COBLL1: variants seen among roughly 807,000 people sequenced by gnomAD.
The protein encoded by COBLL1 is cordon-bleu WH2 repeat protein like 1.
Under a neutral mutation model 94.8 loss-of-function variants are expected in COBLL1, and 50 were observed. The ratio of observed to expected loss-of-function variants is 0.53; its 90% CI spans 0.42 to 0.67. The LOEUF (loss-of-function observed/expected upper bound fraction) is 0.67, where lower values mean the gene tolerates loss of function less well. COBLL1 is among the 30% of genes least tolerant of loss of function. The probability of loss-of-function intolerance (pLI) is 0.00; values close to 1 mark genes in which losing one functional copy is unlikely to be tolerated. For missense variants in COBLL1, 1,362 were observed against 1,348.7 expected (o/e 1.01, Z -0.15); for synonymous variants, 448 against 473.8 (o/e 0.95, Z 0.71).
chr2:164,721,083 T>G (rs1278348691), intron 7 of COBLL1, among the ~76,000 whole-genome samples: 1 of 152,246 alleles, frequency 6.6e-6, no homozygotes, highest in Non-Finnish European at 1.5e-5. Context: ...GCCTATAAAC[T>G]ACATTTTAAA....
At chr2:164,817,580 T>C (rs1406318528) in intron 2 of COBLL1, among the ~76,000 whole-genome samples, 1 of 152,124 alleles carries the variant, frequency 6.6e-6, no homozygotes, top group Non-Finnish European at 1.5e-5. Flanking sequence ...ATTTAGAATA[T>C]CTCTTCCTTG....
chr2:164,793,702 G>C (rs1187634129), intron 2 of COBLL1, among the ~76,000 whole-genome samples: 1 of 151,908 alleles, frequency 6.6e-6, no homozygotes, highest in Non-Finnish European at 1.5e-5. Flanking sequence ...GTCCCCATGG[G>C]ACAAGGAAAA....
At chr2:164,670,725 C>T (rs951143713) in intron 1 of COBLL1, among the ~76,000 whole-genome samples, 1 of 152,130 alleles carries the variant, frequency 6.6e-6, no homozygotes, top group African/African-American at 2.4e-5. Flanking sequence ...TGGGAAATTT[C>T]CCCCCACGAG....
chr2:164,761,622 GC>G (rs2105223281), intron 2 of COBLL1, among the ~76,000 whole-genome samples: 1 of 152,070 alleles, frequency 6.6e-6, no homozygotes, highest in East Asian at 1.9e-4. Flanking sequence ...TCTATTATAG[GC>G]CTTTATCTAT....
chr2:164,677,236 G>GTTTC (rs141018358), downstream of COBLL1, among the ~76,000 whole-genome samples: 15,366 of 151,898 alleles, frequency 0.1, 882 homozygotes, highest in Non-Finnish European at 0.14. Flanking sequence ...AACTTGGGCT[G>GTTTC]TTTCTTTCTT....
chr2:164,771,446 T>C (rs1312346765), intron 2 of COBLL1, among the ~76,000 whole-genome samples: 1 of 152,048 alleles, frequency 6.6e-6, no homozygotes, highest in Non-Finnish European at 1.5e-5. Context: ...CACTACAGCA[T>C]GATTAGAGTA....
intron 1 of COBLL1, among the ~76,000 whole-genome samples, chr2:164,667,148 G>A (rs1691172465): frequency 6.6e-6 from 1 of 152,042 alleles, no homozygotes; most frequent in Non-Finnish European, 1.5e-5. Flanking sequence ...GGTCCTGGGT[G>A]ACTAGGTGCA....
At chr2:164,802,438 C>T (rs1346861758) in intron 2 of COBLL1, among the ~76,000 whole-genome samples, 3 of 152,048 alleles carry the variant, frequency 2.0e-5, no homozygotes, top group South Asian at 2.1e-4. Flanking sequence ...TATCTGAAGG[C>T]AAGAGATGAT....
In COBLL1 at chr2:164,694,349, G is replaced by A; in HGVS notation, c.3043C>T (p.Pro1015Ser). The A allele has an allele frequency of 6.2e-7, 1 of 1,613,956 alleles. No individual in the cohort carries two copies. Among genetic ancestry groups the A allele is most frequent in the Non-Finnish European group, 8.5e-7 (1 of 1,179,916 alleles). Residue 1015 changes from proline (P) to serine (S), a missense_variant, in exon 12 of 14, where the codon CCT (proline) becomes TCT (serine). By Grantham distance (74) the Pro-to-Ser change is moderately conservative (BLOSUM62 -1). Coordinates refer to ENST00000652658, the MANE Select transcript of COBLL1 (RefSeq NM_001365672.2). ...TTCCCTTCCTCTGTGTTGGCTGGAG[G>A]TTGGACCAATGCACTGGCACTAGGT... ...ESPSASALVQ[P>S]PANTEEGKTH... is the part of the protein sequence containing the mutation.
chr2:164,686,882 C>A (rs972507392), intron 13 of COBLL1, among the ~76,000 whole-genome samples: 1 of 152,168 alleles, frequency 6.6e-6, no homozygotes, highest in African/African-American at 2.4e-5. Flanking sequence ...TACAAGAAGA[C>A]AACTGGAGTA....
chr2:164,695,574 T>G lies in COBLL1; in HGVS notation c.1818A>C (p.Thr606=). The change falls in exon 12 of 14, where the codon ACA becomes ACC. Residue 606 remains threonine (T), a synonymous_variant. Coordinates refer to ENST00000652658, the MANE Select transcript of COBLL1 (RefSeq NM_001365672.2). ...AEKTKDAAIQ[T]TPSCNSFDGK... is the part of the protein sequence containing the mutation. Reference sequence around the variant, plus strand: ...CATCAAAACTGTTACAAGAAGGGGTTGTCTGAATTGCTGCATCTTTTGTCT... The same window carrying G: ...CATCAAAACTGTTACAAGAAGGGGTGGTCTGAATTGCTGCATCTTTTGTCT... 1 of 1,613,986 alleles carries G rather than the reference T, an allele frequency of 6.2e-7. No individual in the cohort carries two copies. The highest frequency in any genetic ancestry group is 8.5e-7 in the Non-Finnish European group (1 of 1,179,916).
chr2:164,820,791 G>A (rs775359165), intron 2 of COBLL1, among the ~76,000 whole-genome samples: 5 of 152,094 alleles, frequency 3.3e-5, no homozygotes, highest in Non-Finnish European at 5.9e-5. Context: ...GTGGTAACCT[G>A]GTTAGGATTC....
intron 2 of COBLL1, among the ~76,000 whole-genome samples, chr2:164,662,985 A>C (rs888069616): frequency 6.6e-6 from 1 of 152,162 alleles, no homozygotes; most frequent in African/African-American, 2.4e-5. Context: ...AGAACAGCCT[A>C]ATACAGTCAG....
At chr2:164,805,923 G>A (rs997877963) in intron 2 of COBLL1, among the ~76,000 whole-genome samples, 42 of 152,262 alleles carry the variant, frequency 2.8e-4, no homozygotes, top group African/African-American at 8.9e-4. Flanking sequence ...CTTCCCAAGT[G>A]GCTGTGCCAT....
chr2:164,694,222 C>T (rs767802970), intron 12 of COBLL1, 47 bp downstream of exon 12: 46 of 1,545,808 alleles, frequency 3.0e-5, no homozygotes, highest in Non-Finnish European at 4.0e-5. Flanking sequence ...CCCCATTAAA[C>T]CATGTCATTA....
intron 2 of COBLL1, among the ~76,000 whole-genome samples, chr2:164,750,907 T>C (rs1441168719): frequency 6.6e-6 from 1 of 152,154 alleles, no homozygotes; most frequent in Non-Finnish European, 1.5e-5. Flanking sequence ...TGATGTATGC[T>C]AAAGTCTGAG....
intron 13 of COBLL1, among the ~76,000 whole-genome samples, chr2:164,689,266 C>G (rs185268592): frequency 6.6e-6 from 1 of 152,082 alleles, no homozygotes; most frequent in Admixed American, 6.6e-5. Flanking sequence ...TAATTGCCTG[C>G]GTATGAACCA....
At chr2:164,739,270 C>T (rs551996053) in intron 3 of COBLL1, among the ~76,000 whole-genome samples, 2 of 152,234 alleles carry the variant, frequency 1.3e-5, no homozygotes, top group South Asian at 4.2e-4. Flanking sequence ...CACCGCCAAC[C>T]CCACTGTGTT....
intron 4 of COBLL1, 82 bp downstream of exon 4, chr2:164,729,832 G>T: frequency 8.1e-7 from 1 of 1,227,830 alleles, no homozygotes; most frequent in Non-Finnish European, 1.2e-6. Flanking sequence ...AATTTAACCA[G>T]TAAAGTCCAT....
Sources: allele counts gnomAD v4.1 joint callset (sites outside exome capture counted in the v4.1 genomes callset), GRCh38; gene constraint gnomAD v4.1.1; transcripts MANE v1.5; gene names NCBI Gene and HGNC (gene_info 2026-07-23, HGNC 2026-07-21).